TRAK1: variants seen among roughly 807,000 people sequenced by gnomAD.
TRAK1 encodes trafficking kinesin-binding protein 1.
Under a neutral mutation model 92.1 loss-of-function variants are expected in TRAK1, and 33 were observed. The observed-to-expected ratio is 0.36, with a 90% CI of 0.27 to 0.48. The LOEUF is 0.48. TRAK1 is among the 20% of genes least tolerant of loss of function. TRAK1 has a pLI of 0.99. For synonymous variants in TRAK1, 521 were observed against 517.3 expected (o/e 1.01, Z -0.10); for missense variants, 1,123 against 1,257.9 (o/e 0.89, Z 1.62).
chr3:42,182,411 GCCTCC>G (rs1704149069), intron 3 of TRAK1, among the ~76,000 whole-genome samples: 1 of 151,734 alleles, frequency 6.6e-6, no homozygotes, highest in African/African-American at 2.4e-5. Context: ...TCCTGCCTCA[GCCTCC>G]CGAGTCGCTG....
At chr3:42,067,771 T>C (rs1020565817) in intron 1 of TRAK1, among the ~76,000 whole-genome samples, 1 of 149,896 alleles carries the variant, frequency 6.7e-6, no homozygotes, top group Admixed American at 6.8e-5. Flanking sequence ...TATAGGTTGA[T>C]ATTGATATGT....
intron 2 of TRAK1, chr3:42,160,313 C>T: frequency 6.2e-7 from 1 of 1,606,826 alleles, no homozygotes; most frequent in Non-Finnish European, 8.5e-7. Flanking sequence ...GGGGCACCCC[C>T]AAGGATGGTC....
intron 2 of TRAK1, among the ~76,000 whole-genome samples, chr3:42,143,889 C>A (rs1699008576): frequency 6.6e-6 from 1 of 152,154 alleles, no homozygotes; most frequent in Non-Finnish European, 1.5e-5. Context: ...TCTTTCCAAG[C>A]ATATGAAATA....
At chr3:42,146,171 G>T in intron 2 of TRAK1, 1 of 349,458 alleles carries the variant, frequency 2.9e-6, no homozygotes, top group Non-Finnish European at 5.7e-6. Flanking sequence ...CAACAAGGAG[G>T]AAAAAATACC....
At position 42,067,661 on chromosome 3, in the gene TRAK1, T is replaced by G. The variant is rs114079665; in HGVS notation, c.-518-19443T>G. Among the ~76,000 whole-genome samples, 1,089 of 152,270 alleles carry G rather than the reference T, an allele frequency of 7.2e-3. 11 individuals are homozygous for G. Among genetic ancestry groups the G allele is most frequent in the African/African-American group, 0.024 (998 of 41,538 alleles). On this transcript the variant is annotated intron_variant, in intron 1 of 16. Transcript: ENST00000487159. ...TCAGAAGTTGACGGCAATGTGATCCTGGTGGACTGTCATTCTGTAGTGTTA... is the reference window on the plus strand; with the variant it reads ...TCAGAAGTTGACGGCAATGTGATCCGGGTGGACTGTCATTCTGTAGTGTTA...
At chr3:42,160,293 T>C (rs1576697626) in intron 2 of TRAK1, 2 of 1,587,602 alleles carry the variant, frequency 1.3e-6, no homozygotes. Flanking sequence ...CTCCTCTGGG[T>C]AGGGGGTCGG....
At chr3:42,203,411 G>A (rs2149480735) in intron 13 of TRAK1, 1 of 984,718 alleles carries the variant, frequency 1.0e-6, no homozygotes, top group South Asian at 4.7e-5. Context: ...GTCAGTTCAT[G>A]TGTTAGTATC....
intron 1 of TRAK1, among the ~76,000 whole-genome samples, chr3:42,106,012 G>A (rs1002341252): frequency 6.6e-6 from 1 of 152,182 alleles, no homozygotes; most frequent in African/African-American, 2.4e-5. Flanking sequence ...AAGAGCTCCT[G>A]AAGGAAGCAC....
At chr3:42,043,622 G>GGC (rs1702641458) in intron 1 of TRAK1, among the ~76,000 whole-genome samples, 1 of 151,984 alleles carries the variant, frequency 6.6e-6, no homozygotes, top group Non-Finnish European at 1.5e-5. Flanking sequence ...AGCTGGGGGG[G>GGC]GGGCGGGGGG....
chr3:42,017,240 G>A (rs923862027), intron 1 of TRAK1, among the ~76,000 whole-genome samples: 1 of 152,170 alleles, frequency 6.6e-6, no homozygotes, highest in African/African-American at 2.4e-5. Context: ...CTGCCTGGGC[G>A]ACAGAGTGAG....
intron 15 of TRAK1, 34 bp downstream of exon 15, chr3:42,219,630 G>A (rs761099607): frequency 1.6e-5 from 25 of 1,596,050 alleles, no homozygotes; most frequent in Non-Finnish European, 1.5e-5. Flanking sequence ...GGGCAGGGGT[G>A]GGGTGAAGTC....
In TRAK1 at chr3:42,091,576, A is replaced by T. The variant is rs370248149; in HGVS notation, c.91+16A>T. ...AACGCCTGTGGTAAGTTTGTTTGCC[A>T]GGTCTGTCTGCTGTCTGTTTTCTTT... On this transcript the variant is annotated intron_variant, in intron 1 of 15. Transcript: ENST00000327628. 2.9e-5 allele frequency: 47 copies of T among 1,607,612 alleles called. No individual in the cohort carries two copies. In the African/African-American group the frequency reaches 5.6e-4, roughly 19 times the overall value.
chr3:42,126,725 T>G (rs1224265087), intron 2 of TRAK1, among the ~76,000 whole-genome samples: 2 of 152,192 alleles, frequency 1.3e-5, no homozygotes, highest in East Asian at 3.9e-4. Context: ...AGATTTCTTG[T>G]AATTATTTTT....
intron 1 of TRAK1, among the ~76,000 whole-genome samples, chr3:42,117,527 C>G (rs1415596494): frequency 6.6e-6 from 1 of 152,126 alleles, no homozygotes; most frequent in African/African-American, 2.4e-5. Context: ...TCTCCCCTTG[C>G]TGTTTTCTCA....
chr3:42,053,375 T>TTGG (rs1344959137), intron 1 of TRAK1, among the ~76,000 whole-genome samples: 2 of 50,680 alleles, frequency 3.9e-5, no homozygotes, highest in African/African-American at 1.1e-4. Context: ...CAGAGTCGGG[T>TTGG]GGGGGGGGGG....
chr3:42,144,626 T>C (rs951097783), intron 2 of TRAK1, among the ~76,000 whole-genome samples: 19 of 152,230 alleles, frequency 1.2e-4, no homozygotes, highest in Admixed American at 4.6e-4. Flanking sequence ...AAGTATTATT[T>C]AAGGGGTTTC....
chr3:42,047,255 G>A lies in TRAK1; in HGVS notation c.-519+33138G>A, dbSNP rs80316589. Among the ~76,000 whole-genome samples, 845 of 146,270 alleles carry A rather than the reference G, an allele frequency of 5.8e-3. 7 individuals carry two copies. The highest frequency in any genetic ancestry group is 0.02 in the African/African-American group (805 of 39,686). ...CTGTCGCCCAGGCTGGATTGTAGTG[G>A]CATGATCATAGCTCACTGCAGCCTT... On this transcript the variant is annotated intron_variant, in intron 1 of 16. Coordinates refer to the TRAK1 transcript ENST00000487159.
At chr3:42,031,453 C>G (rs895312268) in intron 1 of TRAK1, among the ~76,000 whole-genome samples, 1 of 151,682 alleles carries the variant, frequency 6.6e-6, no homozygotes, top group East Asian at 2.0e-4. Context: ...AGCAACATAG[C>G]GAGACCCCCA....
In TRAK1 at chr3:42,125,428, A is replaced by C; in HGVS notation, c.100A>C (p.Asn34His). The stretch of plus-strand genomic sequence containing the variant: ...GGTTGTCTTGTCTTTAGATGTGTGC[A>C]ACAGCACCGATCTTCCGGAAGTCGA... ...LIRTNACDVC[N>H]STDLPEVEII... The change falls in exon 2 of 16, where the codon AAC becomes CAC. Residue 34 changes from asparagine to histidine, a missense_variant. By Grantham distance (68) the Asn-to-His change is moderately conservative. Coordinates refer to ENST00000327628, the MANE Select transcript of TRAK1 (RefSeq NM_001042646.3). 6.2e-7 allele frequency: 1 copy of C among 1,614,120 alleles called. No individual in the cohort carries two copies. Among genetic ancestry groups the C allele is most frequent in the Non-Finnish European group, 8.5e-7 (1 of 1,180,010 alleles).
Sources: allele counts gnomAD v4.1 joint callset (sites outside exome capture counted in the v4.1 genomes callset), GRCh38; gene constraint gnomAD v4.1.1; transcripts MANE v1.5; gene names NCBI Gene and HGNC (gene_info 2026-07-23, HGNC 2026-07-21).